ABCC8: variants seen among roughly 807,000 people sequenced by gnomAD.
ABCC8 encodes ATP-binding cassette sub-family C member 8.
ABCC8 carries 137 observed loss-of-function variants against 188.0 expected under a neutral mutation model. The observed-to-expected ratio is 0.73, with a 90% confidence interval of 0.63 to 0.84. The LOEUF is 0.84. Among genes scored for constraint, ABCC8 ranks in the 40% least tolerant of loss-of-function variants. The probability of loss-of-function intolerance (pLI) is 0.00; values close to 1 mark genes in which losing one functional copy is unlikely to be tolerated. For missense variants in ABCC8, 1,750 were observed against 2,072.7 expected (o/e 0.84, Z 3.02); for synonymous variants, 797 against 846.5 (o/e 0.94, Z 1.01).
At chr11:17,417,186 G>A (rs533695536) in intron 16 of ABCC8, among the ~76,000 whole-genome samples, 12 of 152,252 alleles carry the variant, frequency 7.9e-5, no homozygotes, top group East Asian at 1.9e-4. Context: ...CTAAATCAGC[G>A]TTCCTGGCAT....
chr11:17,399,784 C>T (rs1954142041), intron 29 of ABCC8, among the ~76,000 whole-genome samples: 1 of 152,228 alleles, frequency 6.6e-6, no homozygotes, highest in Non-Finnish European at 1.5e-5. Context: ...ATGCATGGCA[C>T]TCCCCTGACC....
In ABCC8 at chr11:17,442,732, T is replaced by G; in HGVS notation, c.1618A>C (p.Thr540Pro). ...GGGGTGAACTCACTGGAGATGGAGG[T>G]ATAGATGGCAAAGGCCCTGAGGCTG... ...MTSLRAFAIYTSISIFMNTAI... is the reference protein window; with the variant it reads ...MTSLRAFAIYPSISIFMNTAI... The change falls in exon 10 of 39, where the codon ACC (threonine) becomes CCC (proline). Residue 540 changes from threonine (T) to proline (P), a missense_variant. Transcript: ENST00000389817. 1 of 1,613,394 alleles carries G rather than the reference T, an allele frequency of 6.2e-7. No homozygotes were observed. Among genetic ancestry groups the G allele is most frequent in the Non-Finnish European group, 8.5e-7 (1 of 1,179,998 alleles).
chr11:17,406,348 TC>T (rs1954522678), intron 26 of ABCC8: 2 of 506,300 alleles, frequency 4.0e-6, no homozygotes, highest in South Asian at 5.1e-5. Context: ...GAGAAAACAA[TC>T]TTTACTTGGA....
Position 17,412,653 on chromosome 11 carries a change from A to G in ABCC8, c.2556+13T>C. The G allele has an allele frequency of 6.2e-7, 1 of 1,608,808 alleles. No individual in the cohort carries two copies. Among genetic ancestry groups the G allele is most frequent in the East Asian group, 2.2e-5 (1 of 44,614 alleles). ...CAGCCAGAGACCAGGACCCCAAGGG[A>G]ACTTGCACTCACCAAGAAGACAACG... On this transcript the variant is annotated intron_variant, in intron 21 of 38. Transcript: ENST00000389817.
At chr11:17,398,295 C>A in intron 30 of ABCC8, 44 bp downstream of exon 30, 1 of 1,610,550 alleles carries the variant, frequency 6.2e-7, no homozygotes, top group Non-Finnish European at 8.5e-7. Context: ...TGCTCTGGCC[C>A]CACCCTCCTA....
At position 17,406,718 on chromosome 11, in the gene ABCC8, C is replaced by T; in HGVS notation, c.3233G>A (p.Cys1078Tyr). ...CTCCACAGTGACAGACGTGACGAGG[C>T]ACAGCACAATGCCCAGGCTGCAGAG... Reference protein sequence around the residue: ...TVLCSLGIVLCLVTSVTVEWT... With the variant: ...TVLCSLGIVLYLVTSVTVEWT... Residue 1078 changes from cysteine (C) to tyrosine (Y), a missense_variant, in exon 26 of 39, where the codon TGC (cysteine) becomes TAC (tyrosine). Cys to Tyr is a radical substitution (Grantham distance 194). Coordinates refer to ENST00000389817, the MANE Select transcript of ABCC8 (RefSeq NM_000352.6). 6.2e-7 allele frequency: 1 copy of T among 1,614,212 alleles called. No individual in the cohort carries two copies.
At chr11:17,451,363 T>C (rs1160635973) in intron 7 of ABCC8, among the ~76,000 whole-genome samples, 5 of 152,212 alleles carry the variant, frequency 3.3e-5, no homozygotes, top group Non-Finnish European at 5.9e-5. Context: ...CTGGGCTTTT[T>C]CCACTATTGT....
intron 3 of ABCC8, chr11:17,465,322 G>A (rs1425797314): frequency 6.6e-6 from 1 of 152,234 alleles, no homozygotes; most frequent in South Asian, 2.1e-4. Context: ...CCTCATGCTT[G>A]TCTTGTCCCT....
chr11:17,400,831 T>C (rs1392051479), intron 29 of ABCC8, among the ~76,000 whole-genome samples: 2 of 152,214 alleles, frequency 1.3e-5, no homozygotes, highest in Admixed American at 1.3e-4. Flanking sequence ...GAGGATTAAA[T>C]GTAATAATGC....
chr11:17,430,648 A>T, intron 12 of ABCC8, 166 bp downstream of exon 12: 3 of 828,586 alleles, frequency 3.6e-6, no homozygotes, highest in Non-Finnish European at 6.2e-6. Context: ...CTGGGAAACC[A>T]TACAGGCCAA....
rs1264700580 is a variant in ABCC8 at position 17,403,260 on chromosome 11, C to T, written c.3558-507G>A. 2.6e-5 allele frequency among the ~76,000 whole-genome samples: 4 copies of T among 152,158 alleles called. No individual in the cohort carries two copies. The East Asian group carries it at 7.7e-4, about 29-fold the overall frequency. ...CGTCTCGGGGTAAGGCCAGAGGTTT[C>T]CATGGCAACAGAATTGCCTCCTGCT... On this transcript the variant is annotated intron_variant, in intron 28 of 38. Coordinates refer to ENST00000389817, the MANE Select transcript of ABCC8 (RefSeq NM_000352.6).
chr11:17,413,751 T>C (rs1591762962), intron 19 of ABCC8, among the ~76,000 whole-genome samples: 1 of 152,204 alleles, frequency 6.6e-6, no homozygotes, highest in East Asian at 1.9e-4. Flanking sequence ...TCATGATCTC[T>C]GTGCAGTGGG....
intron 1 of ABCC8, 185 bp from the exon 2 acceptor site, chr11:17,475,212 C>T (rs966894478): frequency 1.5e-5 from 5 of 328,238 alleles, no homozygotes; most frequent in Non-Finnish European, 2.2e-5. Flanking sequence ...TATGCTGGTA[C>T]CTCCCCCACC....
intron 10 of ABCC8, chr11:17,435,638 T>A: frequency 7.1e-7 from 1 of 1,399,394 alleles, no homozygotes; most frequent in South Asian, 1.2e-5. Flanking sequence ...AATGTAATAA[T>A]GTGTAGGAAG....
rs75782101 is a variant in ABCC8 at position 17,459,809 on chromosome 11, G to C, written c.1011+679C>G. ...CGCAGGGCAAATAACCCCGGGGAAA[G>C]GTTTTCTAGCTCCAACAAATTTCAG... is the stretch of plus-strand genomic sequence containing the variant. On this transcript the variant is annotated intron_variant, in intron 6 of 38. Coordinates refer to ENST00000389817, the MANE Select transcript of ABCC8 (RefSeq NM_000352.6). 8.5e-3 allele frequency among the ~76,000 whole-genome samples: 1,294 copies of C among 152,322 alleles called. 15 individuals are homozygous for C. Among genetic ancestry groups the C allele is most frequent in the African/African-American group, 0.029 (1,190 of 41,572 alleles).
intron 6 of ABCC8, among the ~76,000 whole-genome samples, chr11:17,453,694 C>G (rs148679957): frequency 1.3e-4 from 20 of 152,286 alleles, no homozygotes; most frequent in African/African-American, 4.1e-4. Flanking sequence ...CAGCAGCTCC[C>G]TTGTTCCGAA....
intron 3 of ABCC8, among the ~76,000 whole-genome samples, chr11:17,466,820 C>T (rs1241187208): frequency 1.3e-5 from 2 of 151,910 alleles, no homozygotes; most frequent in African/African-American, 4.8e-5. Context: ...TGTACATTAC[C>T]ACGCCCAGCT....
At chr11:17,462,693 G>T (rs139377738) in intron 4 of ABCC8, among the ~76,000 whole-genome samples, 1 of 152,294 alleles carries the variant, frequency 6.6e-6, no homozygotes, top group African/African-American at 2.4e-5. Context: ...TCATCCATAC[G>T]ATGGAATATT....
chr11:17,403,362 A>G (rs189540452), intron 28 of ABCC8, among the ~76,000 whole-genome samples: 6 of 152,312 alleles, frequency 3.9e-5, no homozygotes, highest in Non-Finnish European at 7.3e-5. Flanking sequence ...TTTCCCTGAT[A>G]AACCATCTCC....
Sources: allele counts gnomAD v4.1 joint callset (sites outside exome capture counted in the v4.1 genomes callset), GRCh38; gene constraint gnomAD v4.1.1; transcripts MANE v1.5; gene names NCBI Gene and HGNC (gene_info 2026-07-23, HGNC 2026-07-21).